The following KIRREL3 variants were observed in gnomAD, a reference collection of about 807,000 sequenced individuals.
KIRREL3 encodes kirre like nephrin family adhesion molecule 3.
In KIRREL3, 36 loss-of-function variants were observed where a neutral mutation model predicts 89.7. That is an observed-to-expected ratio of 0.40 (90% CI 0.31 to 0.53). KIRREL3 has a LOEUF of 0.53. Ranked by LOEUF, KIRREL3 falls within the 20% of genes least tolerant of loss-of-function variation. The pLI is 0.49. For synonymous variants in KIRREL3, 445 were observed against 441.4 expected, an observed-to-expected ratio of 1.01 and a Z score of -0.10; for missense variants, 864 against 1,056.6, an observed-to-expected ratio of 0.82 and a Z score of 2.53.
In KIRREL3 at chr11:126,830,585, T is replaced by A. The variant is rs1943571746; in HGVS notation, c.55+169870A>T. On this transcript the variant is annotated intron_variant, in intron 1 of 16. Coordinates refer to ENST00000525144, the MANE Select transcript of KIRREL3 (RefSeq NM_032531.4). The surrounding 1 kb of genome is among the most constrained non-coding windows in gnomAD (Gnocchi z 4.9). ...CAGGTGGCTCGGTGACAGTCATCTC[T>A]TAGTGTTTCGATTTTAGAGCGGCTG... 6.6e-6 allele frequency among the ~76,000 whole-genome samples: 1 copy of A among 152,212 alleles called. No individual in the cohort carries two copies. Among genetic ancestry groups the A allele is most frequent in the South Asian group, 2.1e-4 (1 of 4,828 alleles).
intron 1 of KIRREL3, among the ~76,000 whole-genome samples, chr11:126,899,777 G>A (rs1372000494): frequency 2.6e-5 from 4 of 152,234 alleles, no homozygotes; most frequent in African/African-American, 4.8e-5. Flanking sequence ...TGCCCCTGAA[G>A]TTCTGTAACA....
In KIRREL3 at chr11:126,814,072, A is replaced by AC. The variant is rs1410734169; in HGVS notation, c.55+186382dup. Among the ~76,000 whole-genome samples the AC allele has an allele frequency of 1.3e-5, 2 of 152,138 alleles. No individual in the cohort carries two copies. The highest frequency in any genetic ancestry group is 4.8e-5 in the African/African-American group (2 of 41,436). On this transcript the variant is annotated intron_variant, in intron 1 of 16. Coordinates refer to ENST00000525144, the MANE Select transcript of KIRREL3 (RefSeq NM_032531.4). This position sits in a 1 kb window ranked among gnomAD's most constrained non-coding sequence, Gnocchi z 4.4. ...GAACTTAAATTTACAAGAAAAAAAA[A>AC]CCCGGTTAAAAAGTTGGCAAAGGAC...
chr11:126,847,300 T>C (rs990525458), intron 1 of KIRREL3, among the ~76,000 whole-genome samples: 1 of 152,052 alleles, frequency 6.6e-6, no homozygotes, highest in Admixed American at 6.6e-5. Context: ...TTGGTGTAGA[T>C]TATCAGTAAT....
At position 126,768,854 on chromosome 11, in the gene KIRREL3, C is replaced by A. The variant is rs2134291428; in HGVS notation, c.56-205942G>T. Among the ~76,000 whole-genome samples, 1 of 152,282 alleles carries A rather than the reference C, an allele frequency of 6.6e-6. No homozygotes were observed. The highest frequency in any genetic ancestry group is 1.5e-5 in the Non-Finnish European group (1 of 68,028). ...CAGTCGGCGGAGACCAGACATAGAG[C>A]TCCATGGAGCACGAGAGCCATGGCA... is the stretch of plus-strand genomic sequence containing the variant. On this transcript the variant is annotated intron_variant, in intron 1 of 16. Transcript: ENST00000525144. This position sits in a 1 kb window ranked among gnomAD's most constrained non-coding sequence, Gnocchi z 4.5.
Position 126,563,520 on chromosome 11 carries a change from T to G in KIRREL3, c.56-608A>C, listed in dbSNP as rs756039699. Among the ~76,000 whole-genome samples, 3 of 152,164 alleles carry G rather than the reference T, an allele frequency of 2.0e-5. No individual in the cohort carries two copies. Among genetic ancestry groups the G allele is most frequent in the Non-Finnish European group, 4.4e-5 (3 of 68,036 alleles). On this transcript the variant is annotated intron_variant, in intron 1 of 16. Coordinates refer to ENST00000525144, the MANE Select transcript of KIRREL3 (RefSeq NM_032531.4). This position sits in a 1 kb window ranked among gnomAD's most constrained non-coding sequence, Gnocchi z 6.8. Reference sequence around the variant, plus strand: ...GTGCGTTTCTGGTGCTAGAGATTCCTGTGCCTTCCTATATCAAGGCCCAAT... The same window carrying G: ...GTGCGTTTCTGGTGCTAGAGATTCCGGTGCCTTCCTATATCAAGGCCCAAT...
intron 1 of KIRREL3, among the ~76,000 whole-genome samples, chr11:126,631,373 G>T (rs538831888): frequency 6.6e-6 from 1 of 152,168 alleles, no homozygotes; most frequent in Non-Finnish European, 1.5e-5. Context: ...TATGGCATTC[G>T]CACTGGAATT....
rs994339942 is a variant in KIRREL3 at position 126,687,337 on chromosome 11, G to A, written c.56-124425C>T. Among the ~76,000 whole-genome samples, 3 of 152,060 alleles carry A rather than the reference G, an allele frequency of 2.0e-5. No homozygotes were observed. The highest frequency in any genetic ancestry group is 4.8e-5 in the African/African-American group (2 of 41,374). ...TTAGCACAGAGAGGGAAAAATCAAC[G>A]CATACCTCCCAACATAACATCCCCA... On this transcript the variant is annotated intron_variant, in intron 1 of 16. Transcript: ENST00000525144. This position sits in a 1 kb window ranked among gnomAD's most constrained non-coding sequence, Gnocchi z 4.6.
At chr11:126,714,043 A>G (rs1471083610) in intron 1 of KIRREL3, among the ~76,000 whole-genome samples, 1 of 152,128 alleles carries the variant, frequency 6.6e-6, no homozygotes, top group African/African-American at 2.4e-5. Flanking sequence ...CAGCTTTTGC[A>G]TCACATAGGG....
At position 126,978,054 on chromosome 11, in the gene KIRREL3, C is replaced by T. The variant is rs912357404; in HGVS notation, c.55+22401G>A. ...CTACTGACAGCCTCCTTCTCCAGCA[C>T]GGCAGCCCACCAAAAGTGCCTCCTT... is the stretch of plus-strand genomic sequence containing the variant. On this transcript the variant is annotated intron_variant, in intron 1 of 16. Coordinates refer to ENST00000525144, the MANE Select transcript of KIRREL3 (RefSeq NM_032531.4). This position sits in a 1 kb window ranked among gnomAD's most constrained non-coding sequence, Gnocchi z 4.2. Among the ~76,000 whole-genome samples, 16 of 152,278 alleles carry T rather than the reference C, an allele frequency of 1.1e-4. No individual in the cohort carries two copies. The highest frequency in any genetic ancestry group is 3.4e-3 in the Middle Eastern group (1 of 294).
At position 126,685,042 on chromosome 11, in the gene KIRREL3, T is replaced by C. The variant is rs1250725459; in HGVS notation, c.56-122130A>G. On this transcript the variant is annotated intron_variant, in intron 1 of 16. Transcript: ENST00000525144. This position sits in a 1 kb window ranked among gnomAD's most constrained non-coding sequence, Gnocchi z 5.5. ...ATATGGAAGGAACGTTAGACACACA[T>C]TCCTGTAGATGCTGGAGTGGAAAGG... is the stretch of plus-strand genomic sequence containing the variant. Among the ~76,000 whole-genome samples the C allele has an allele frequency of 1.3e-5, 2 of 152,208 alleles. No individual in the cohort carries two copies. Among genetic ancestry groups the C allele is most frequent in the East Asian group, 1.9e-4 (1 of 5,166 alleles).
chr11:126,506,839 G>T (rs911696787), intron 4 of KIRREL3, among the ~76,000 whole-genome samples: 3 of 151,466 alleles, frequency 2.0e-5, no homozygotes, highest in African/African-American at 7.3e-5. Flanking sequence ...TGGCCAAACT[G>T]GTCTTGAACT....
At chr11:126,984,055 C>A (rs553831958) in intron 1 of KIRREL3, among the ~76,000 whole-genome samples, 1 of 152,068 alleles carries the variant, frequency 6.6e-6, no homozygotes, top group African/African-American at 2.4e-5. Context: ...AAAACTTGCA[C>A]GCCCAGAAAG....
At chr11:126,753,844 T>G (rs777782767) in intron 1 of KIRREL3, among the ~76,000 whole-genome samples, 1 of 152,170 alleles carries the variant, frequency 6.6e-6, no homozygotes, top group Non-Finnish European at 1.5e-5. Context: ...CATTACATGC[T>G]TAGAGATGAT....
rs925998850 is a variant in KIRREL3, at chr11:126,931,591, G to A, written c.55+68864C>T. 1.6e-4 allele frequency among the ~76,000 whole-genome samples: 25 copies of A among 152,138 alleles called. No individual in the cohort carries two copies. The highest frequency in any genetic ancestry group is 5.8e-4 in the African/African-American group (24 of 41,418). ...ATTCTAGAGAATGAAGCTGTTTTAT[G>A]TCCAAATCTACTTTCTAGTAGCAAG... On this transcript the variant is annotated intron_variant, in intron 1 of 16. Coordinates refer to ENST00000525144, the MANE Select transcript of KIRREL3 (RefSeq NM_032531.4). This position sits in a 1 kb window ranked among gnomAD's most constrained non-coding sequence, Gnocchi z 5.1.
chr11:126,862,984 C>T (rs1319129570), intron 1 of KIRREL3, among the ~76,000 whole-genome samples: 1 of 152,192 alleles, frequency 6.6e-6, no homozygotes, highest in Non-Finnish European at 1.5e-5. Flanking sequence ...ACTGGGATAC[C>T]AGAGCTGTGA....
rs192345204 is a variant in KIRREL3 at position 126,917,158 on chromosome 11, G to A, written c.55+83297C>T. The stretch of plus-strand genomic sequence containing the variant: ...ACATTCTGATACACAGTATGTTAAA[G>A]ATTCACCTTGAAAATATTATGCTAA... On this transcript the variant is annotated intron_variant, in intron 1 of 16. Coordinates refer to ENST00000525144, the MANE Select transcript of KIRREL3 (RefSeq NM_032531.4). The surrounding 1 kb of genome is among the most constrained non-coding windows in gnomAD (Gnocchi z 5.0). Among the ~76,000 whole-genome samples, 7 of 152,282 alleles carry A rather than the reference G, an allele frequency of 4.6e-5. No homozygotes were observed. The highest frequency in any genetic ancestry group is 1.0e-4 in the Non-Finnish European group (7 of 68,022).
Position 126,931,628 on chromosome 11 carries a change from G to A in KIRREL3, c.55+68827C>T, listed in dbSNP as rs1947953626. 1.3e-5 allele frequency among the ~76,000 whole-genome samples: 2 copies of A among 152,142 alleles called. No individual in the cohort carries two copies. Among genetic ancestry groups the A allele is most frequent in the Admixed American group, 6.5e-5 (1 of 15,280 alleles). On this transcript the variant is annotated intron_variant, in intron 1 of 16. Coordinates refer to ENST00000525144, the MANE Select transcript of KIRREL3 (RefSeq NM_032531.4). The surrounding 1 kb of genome is among the most constrained non-coding windows in gnomAD (Gnocchi z 5.1). ...TTTCTAGTAGCAAGTATAAGAATGA[G>A]GATTCCAAGTCCTAGTTGTCTAAAT...
rs148457215 is a variant in KIRREL3, at chr11:126,913,557, G to A, written c.55+86898C>T. Among the ~76,000 whole-genome samples the A allele has an allele frequency of 7.2e-5, 11 of 152,292 alleles. No individual in the cohort carries two copies. The East Asian group carries it at 9.6e-4, about 13-fold the overall frequency. On this transcript the variant is annotated intron_variant, in intron 1 of 16. Transcript: ENST00000525144. ...TGAAGGAGGCTGGCCTGGGAAAAAC[G>A]CAGTCCATGAAGAGGAAGGAGCTAA... is the stretch of plus-strand genomic sequence containing the variant.
Position 126,516,123 on chromosome 11 carries a change from G to A in KIRREL3, c.433+5192C>T, listed in dbSNP as rs889840149. Among the ~76,000 whole-genome samples the A allele has an allele frequency of 6.6e-6, 1 of 152,180 alleles. No individual in the cohort carries two copies. The highest frequency in any genetic ancestry group is 2.4e-5 in the African/African-American group (1 of 41,440). On this transcript the variant is annotated intron_variant, in intron 4 of 16. Transcript: ENST00000525144. This position sits in a 1 kb window ranked among gnomAD's most constrained non-coding sequence, Gnocchi z 4.9. ...ACTAGTTAAGGACACGTCACAGATT[G>A]GACCTTATCTGTTTTCCTCTCTCAG...
Sources: gnomAD v4.1 joint callset for allele counts (sites outside exome capture counted in the v4.1 genomes callset) on GRCh38, gnomAD v4.1.1 for gene constraint, Gnocchi (gnomAD v3.1) non-coding constraint, MANE v1.5 for transcripts, NCBI Gene and HGNC (gene_info 2026-07-23, HGNC 2026-07-21) for gene names.